Variants in SLC25A48 observed in about 807,000 individuals in gnomAD.
SLC25A48 encodes CTC-321K16.1.
In SLC25A48, 29 loss-of-function variants were observed where a neutral mutation model predicts 32.2. That is an observed-to-expected ratio of 0.90 (90% CI 0.67 to 1.23). The LOEUF is 1.23. Ranked by LOEUF, SLC25A48 falls within the 50% of genes most tolerant of loss-of-function variation. SLC25A48 has a pLI of 0.00. For missense variants in SLC25A48, 399 were observed against 422.7 expected (o/e 0.94, Z 0.49); for synonymous variants, 164 against 172.3 (o/e 0.95, Z 0.38).
chr5:135,857,493 G>A (rs1158977157), intron 4 of SLC25A48, among the ~76,000 whole-genome samples: 2 of 152,226 alleles, frequency 1.3e-5, no homozygotes, highest in Non-Finnish European at 2.9e-5. Flanking sequence ...CACCATTACA[G>A]CATGAGGCAG....
chr5:135,791,122 C>T (rs555190596), intron 3 of SLC25A48, among the ~76,000 whole-genome samples: 3 of 151,732 alleles, frequency 2.0e-5, no homozygotes, highest in Admixed American at 1.3e-4. Context: ...GTGTGTACAA[C>T]CTGTGATACT....
chr5:135,618,155 T>C (rs1186690687), intron 1 of SLC25A48, among the ~76,000 whole-genome samples: 1 of 152,150 alleles, frequency 6.6e-6, no homozygotes, highest in Non-Finnish European at 1.5e-5. Context: ...TTTATCCCTT[T>C]ATCATACAAT....
At chr5:135,618,064 C>G (rs1428092974) in intron 1 of SLC25A48, among the ~76,000 whole-genome samples, 2 of 150,952 alleles carry the variant, frequency 1.3e-5, no homozygotes, top group East Asian at 3.8e-4. Context: ...CCCTTTAGAT[C>G]TAATAATTTT....
chr5:135,671,178 A>G (rs1403343646), intron 3 of SLC25A48, among the ~76,000 whole-genome samples: 2 of 152,230 alleles, frequency 1.3e-5, no homozygotes, highest in African/African-American at 4.8e-5. Context: ...CGAAGGAGCT[A>G]GAGGAAGGAA....
chr5:135,756,364 A>G (rs1404746294), intron 3 of SLC25A48, among the ~76,000 whole-genome samples: 1 of 152,146 alleles, frequency 6.6e-6, no homozygotes, highest in Non-Finnish European at 1.5e-5. Flanking sequence ...GATATTTACA[A>G]TACCTAGTGA....
rs924542931 is a variant in SLC25A48, at chr5:135,722,138, T to G, written c.-521+87182T>G. 2.6e-5 allele frequency among the ~76,000 whole-genome samples: 4 copies of G among 152,264 alleles called. No homozygotes were observed. The South Asian group carries it at 6.2e-4, about 24-fold the overall frequency. On this transcript the variant is annotated intron_variant, in intron 3 of 10. Transcript: ENST00000646290. ...GGCTTAGGACAGAAATAATTTAAAA[T>G]GAAGTATCTTCTGAATCTATGTAGA...
At chr5:135,822,383 CA>C in intron 4 of SLC25A48, among the ~76,000 whole-genome samples, 1 of 152,300 alleles carries the variant, frequency 6.6e-6, no homozygotes, top group South Asian at 2.1e-4. Flanking sequence ...TTCTGAAGGC[CA>C]AAATTTCAAA....
intron 3 of SLC25A48, among the ~76,000 whole-genome samples, chr5:135,785,742 T>TG (rs1756825789): frequency 6.9e-6 from 1 of 144,476 alleles, no homozygotes; most frequent in Non-Finnish European, 1.5e-5. Flanking sequence ...TTACTCTCCA[T>TG]GGGGCGGGGG....
intron 1 of SLC25A48, among the ~76,000 whole-genome samples, chr5:135,608,587 A>G (rs769786553): frequency 2.0e-5 from 3 of 152,220 alleles, no homozygotes; most frequent in Non-Finnish European, 2.9e-5. Flanking sequence ...CCTTCCAGCC[A>G]TGGCTCTGCA....
At chr5:135,792,302 G>A (rs1757052117) in intron 3 of SLC25A48, among the ~76,000 whole-genome samples, 1 of 151,584 alleles carries the variant, frequency 6.6e-6, no homozygotes, top group Admixed American at 6.6e-5. Flanking sequence ...TAAGCTAGGG[G>A]GATATTATCT....
At chr5:135,743,299 C>T (rs1334865382) in intron 3 of SLC25A48, among the ~76,000 whole-genome samples, 4 of 150,812 alleles carry the variant, frequency 2.7e-5, no homozygotes, top group African/African-American at 4.9e-5. Flanking sequence ...CTGGAACTCC[C>T]GACCTCAAGT....
At chr5:135,703,732 C>T (rs1462952071) in intron 3 of SLC25A48, among the ~76,000 whole-genome samples, 1 of 152,220 alleles carries the variant, frequency 6.6e-6, no homozygotes, top group Non-Finnish European at 1.5e-5. Flanking sequence ...CAGTGACTGG[C>T]CCTGCCAGAC....
At position 135,863,453 on chromosome 5, in the gene SLC25A48, C is replaced by G. The variant is rs576981560; in HGVS notation, c.422-8008C>G. Among the ~76,000 whole-genome samples, 4 of 152,272 alleles carry G rather than the reference C, an allele frequency of 2.6e-5. No homozygotes were observed. The East Asian group carries it at 7.7e-4, about 29-fold the overall frequency. ...ACAGTTGAGGTCATAACATTAGATG[C>G]AAACACCAAGCGAGCTGCAAATAAG... On this transcript the variant is annotated intron_variant, in intron 4 of 7. Coordinates refer to ENST00000681962, the MANE Select transcript of SLC25A48 (RefSeq NM_001349336.2).
chr5:135,823,551 G>A (rs1344789435), intron 4 of SLC25A48, among the ~76,000 whole-genome samples: 1 of 152,152 alleles, frequency 6.6e-6, no homozygotes, highest in East Asian at 1.9e-4. Context: ...TCTACCATAT[G>A]CCAGGGTTTT....
In SLC25A48 at chr5:135,880,247, T is replaced by A. The variant is rs1351675766; in HGVS notation, c.*7+150T>A. Reference sequence around the variant, plus strand: ...TAGGCTGGGGCTGCCACCCTTTTCGTCACCAAACAGCAGTTCAGAAATGCC... The same window carrying A: ...TAGGCTGGGGCTGCCACCCTTTTCGACACCAAACAGCAGTTCAGAAATGCC... On this transcript the variant is annotated intron_variant, in intron 7 of 7. Coordinates refer to ENST00000681962, the MANE Select transcript of SLC25A48 (RefSeq NM_001349336.2). The A allele has an allele frequency of 5.9e-6, 7 of 1,178,320 alleles. No homozygotes were observed. In the East Asian group the frequency reaches 1.6e-4, roughly 26 times the overall value. The allele number at this position is 1,178,320 out of a possible 1,614,324, so 73.0% of individuals were successfully genotyped here.
chr5:135,736,956 G>T (rs1266059698), intron 3 of SLC25A48, among the ~76,000 whole-genome samples: 1 of 152,200 alleles, frequency 6.6e-6, no homozygotes, highest in African/African-American at 2.4e-5. Flanking sequence ...TTTAAAATTG[G>T]TGAGATGTTC....
chr5:135,617,732 G>A (rs1752221723), intron 1 of SLC25A48, among the ~76,000 whole-genome samples: 2 of 151,750 alleles, frequency 1.3e-5, no homozygotes, highest in South Asian at 4.1e-4. Flanking sequence ...TCAGGGGCAT[G>A]CTGTTTAATT....
At chr5:135,693,915 C>G (rs938557372) in intron 3 of SLC25A48, among the ~76,000 whole-genome samples, 11 of 152,176 alleles carry the variant, frequency 7.2e-5, no homozygotes, top group Non-Finnish European at 1.6e-4. Context: ...CTCTCAGACT[C>G]TTTGTTCTGC....
intron 4 of SLC25A48, among the ~76,000 whole-genome samples, chr5:135,871,117 T>C (rs1761611169): frequency 6.7e-6 from 1 of 149,468 alleles, no homozygotes. Flanking sequence ...ACACAGCATG[T>C]TGGATTTTCT....
Sources: allele counts gnomAD v4.1 joint callset (sites outside exome capture counted in the v4.1 genomes callset), GRCh38; gene constraint gnomAD v4.1.1; transcripts MANE v1.5; gene names NCBI Gene and HGNC (gene_info 2026-07-23, HGNC 2026-07-21).